Variants in ITGAV observed in about 807,000 individuals in gnomAD.
The protein encoded by ITGAV is integrin subunit alpha V, also known as integrin alpha-V.
Under a neutral mutation model 143.8 loss-of-function variants are expected in ITGAV, and 76 were observed. The observed-to-expected ratio is 0.53, with a 90% CI of 0.44 to 0.64. ITGAV has a LOEUF of 0.64. Ranked by LOEUF, ITGAV falls within the 30% of genes least tolerant of loss-of-function variation. The pLI, the probability that ITGAV is intolerant of heterozygous loss-of-function variation, is 0.00. For synonymous variants in ITGAV, 453 were observed against 446.7 expected, an observed-to-expected ratio of 1.01 and a Z score of -0.18; for missense variants, 1,193 against 1,274.7, an observed-to-expected ratio of 0.94 and a Z score of 0.98.
intron 8 of ITGAV, among the ~76,000 whole-genome samples, chr2:186,638,067 G>C (rs1687995537): frequency 6.6e-6 from 1 of 152,156 alleles, no homozygotes; most frequent in Non-Finnish European, 1.5e-5. Flanking sequence ...GCATATGTTT[G>C]AGAGCCCTCC....
intron 5 of ITGAV, among the ~76,000 whole-genome samples, chr2:186,632,073 AT>A (rs1221876461): frequency 6.6e-6 from 1 of 151,664 alleles, no homozygotes; most frequent in Non-Finnish European, 1.5e-5. Context: ...TATTTTATTA[AT>A]TTTTTTTCTA....
At chr2:186,649,269 A>G (rs868792007) in intron 13 of ITGAV, among the ~76,000 whole-genome samples, 2 of 144,622 alleles carry the variant, frequency 1.4e-5, no homozygotes, top group Non-Finnish European at 3.1e-5. Context: ...ATCTGTTTTT[A>G]TTTTTTTTTT....
In ITGAV at chr2:186,641,466, C is replaced by T; in HGVS notation, c.1037C>T (p.Ser346Leu). ...DGKLQEVGQV[S>L]VSLQRASGDF... ...AAACTCCAAGAGGTGGGGCAGGTCT[C>T]AGTGTCTCTACAGAGAGCTTCAGGA... The change falls in exon 12 of 30, where the codon TCA (serine) becomes TTA (leucine). Residue 346 changes from serine (S) to leucine (L), a missense_variant. By Grantham distance (145) the Ser-to-Leu change is moderately radical (BLOSUM62 -2). Transcript: ENST00000261023. The T allele has an allele frequency of 6.2e-7, 1 of 1,614,154 alleles. No individual in the cohort carries two copies. The highest frequency in any genetic ancestry group is 1.1e-5 in the South Asian group (1 of 91,076).
chr2:186,600,037 G>T (rs112191013), intron 1 of ITGAV, among the ~76,000 whole-genome samples: 1 of 152,016 alleles, frequency 6.6e-6, no homozygotes, highest in African/African-American at 2.4e-5. Flanking sequence ...GTTTTCTTTA[G>T]TAGATGATTT....
At chr2:186,641,683 TCTC>T (rs775415163) in intron 12 of ITGAV, 95 bp downstream of exon 12, 2 of 953,304 alleles carry the variant, frequency 2.1e-6, no homozygotes, top group Non-Finnish European at 3.3e-6. Flanking sequence ...CACGAGCAAA[TCTC>T]CTTCCTGGAA....
At chr2:186,664,778 C>A (rs1363464225) in intron 20 of ITGAV, 137 bp downstream of exon 20, 1 of 1,045,252 alleles carries the variant, frequency 9.6e-7, no homozygotes, top group Non-Finnish European at 1.4e-6. Context: ...GAGTGCCTAT[C>A]TTACATAATT....
At chr2:186,631,986 C>T (rs1382971714) in intron 5 of ITGAV, among the ~76,000 whole-genome samples, 1 of 152,142 alleles carries the variant, frequency 6.6e-6, no homozygotes, top group Non-Finnish European at 1.5e-5. Context: ...ATGTTCATGC[C>T]ACTGCATTCC....
At chr2:186,644,697 A>G (rs1382753955) in intron 12 of ITGAV, among the ~76,000 whole-genome samples, 1 of 152,192 alleles carries the variant, frequency 6.6e-6, no homozygotes, top group African/African-American at 2.4e-5. Flanking sequence ...TTTAAGGATA[A>G]CAAATTCTTA....
At chr2:186,596,469 A>ATTTTTT (rs1686751499) in intron 1 of ITGAV, among the ~76,000 whole-genome samples, 1 of 137,548 alleles carries the variant, frequency 7.3e-6, no homozygotes. Context: ...TTTTTTTTTG[A>ATTTTTT]GATGGAGTCT....
Position 186,590,513 on chromosome 2 carries a change from A to C in ITGAV, c.175A>C (p.Ser59Arg). 1 of 1,610,508 alleles carries C rather than the reference A, an allele frequency of 6.2e-7. No individual in the cohort carries two copies. The highest frequency in any genetic ancestry group is 8.5e-7 in the Non-Finnish European group (1 of 1,178,844). ...FGFAVDFFVP[S>R]ASSRMFLLVG... ...CTTCGCCGTGGATTTCTTCGTGCCC[A>C]GCGCGTCTTCGTAAGTGGCCGCACT... The change falls in exon 1 of 30, where the codon AGC (serine) becomes CGC (arginine). Residue 59 changes from serine (S) to arginine (R), a missense_variant. Transcript: ENST00000261023.
rs1689246502 is a variant in ITGAV at position 186,677,445 on chromosome 2, C to T, written c.*153C>T. The T allele has an allele frequency of 1.7e-6, 1 of 593,866 alleles. No individual in the cohort carries two copies. Among genetic ancestry groups the T allele is most frequent in the South Asian group, 2.1e-5 (1 of 47,386 alleles). The allele number at this position is 593,866 out of a possible 1,614,324, so 36.8% of individuals were successfully genotyped here. A position where few individuals can be genotyped will look rare whatever the true frequency, so the allele number is the denominator to read the frequency against. ...ACAAAATGAGAATTATATTTGTCAACCTTCTCCTTATAAATAAGTTCAGAC... is the reference window on the plus strand; with the variant it reads ...ACAAAATGAGAATTATATTTGTCAATCTTCTCCTTATAAATAAGTTCAGAC... On this transcript the variant is annotated 3_prime_UTR_variant, in exon 30 of 30. Transcript: ENST00000261023.
chr2:186,637,481 CA>C (rs5836991), intron 8 of ITGAV, among the ~76,000 whole-genome samples: 66,173 of 105,710 alleles, frequency 0.63, 17,529 homozygotes, highest in East Asian at 0.78. Flanking sequence ...GACCCTGTCT[CA>C]AAAAAAAAAA....
At chr2:186,651,453 A>C (rs1011078496) in intron 14 of ITGAV, among the ~76,000 whole-genome samples, 4 of 152,190 alleles carry the variant, frequency 2.6e-5, no homozygotes, top group Non-Finnish European at 4.4e-5. Flanking sequence ...GGGTATATAA[A>C]AAAAAGTTTT....
intron 2 of ITGAV, among the ~76,000 whole-genome samples, chr2:186,607,671 A>G (rs560344505): frequency 1.6e-4 from 24 of 152,318 alleles, no homozygotes; most frequent in African/African-American, 5.8e-4. Context: ...TGAATAACAC[A>G]TATAGGGATA....
At chr2:186,672,264 A>G (rs1253017427) in intron 26 of ITGAV, among the ~76,000 whole-genome samples, 1 of 152,058 alleles carries the variant, frequency 6.6e-6, no homozygotes, top group Admixed American at 6.5e-5. Context: ...CTTCATTTTT[A>G]TGCCTGAATA....
At chr2:186,644,948 G>T (rs1202923873) in intron 12 of ITGAV, among the ~76,000 whole-genome samples, 1 of 152,156 alleles carries the variant, frequency 6.6e-6, no homozygotes, top group Non-Finnish European at 1.5e-5. Flanking sequence ...GATGAGGCAT[G>T]GCTTATTAAG....
rs1481812371 is a variant in ITGAV at position 186,652,820 on chromosome 2, T to C, written c.1505+731T>C. ...TCCTTTACTAGTTTCCAAAGAAAAA[T>C]ATAATAATTTTTCATAAGTTAAATG... is the stretch of plus-strand genomic sequence containing the variant. On this transcript the variant is annotated intron_variant, in intron 15 of 29. Coordinates refer to ENST00000261023, the MANE Select transcript of ITGAV (RefSeq NM_002210.5). Among the ~76,000 whole-genome samples, 3 of 152,140 alleles carry C rather than the reference T, an allele frequency of 2.0e-5. No individual in the cohort carries two copies. In the East Asian group the frequency reaches 5.8e-4, roughly 29 times the overall value.
intron 13 of ITGAV, among the ~76,000 whole-genome samples, chr2:186,649,099 T>A (rs996664629): frequency 6.6e-6 from 1 of 151,096 alleles, no homozygotes; most frequent in Non-Finnish European, 1.5e-5. Context: ...TCTTCTTTGC[T>A]ACTGGGATTG....
rs201390608 is a variant in ITGAV, at chr2:186,637,120, C to G, written c.802+11C>G. On this transcript the variant is annotated intron_variant, in intron 8 of 29. Transcript: ENST00000261023. ...GTGATGGCATAGATGGTATGAAGTA[C>G]TTGAACTATATCTAATCTTTAAAAA... 1 of 1,598,982 alleles carries G rather than the reference C, an allele frequency of 6.3e-7. No individual in the cohort carries two copies. Among genetic ancestry groups the G allele is most frequent in the East Asian group, 2.2e-5 (1 of 44,778 alleles).
Sources: gnomAD v4.1 joint callset for allele counts (sites outside exome capture counted in the v4.1 genomes callset) on GRCh38, gnomAD v4.1.1 for gene constraint, MANE v1.5 for transcripts, NCBI Gene and HGNC (gene_info 2026-07-23, HGNC 2026-07-21) for gene names.